The following GTF2A1 variants were observed in gnomAD, a reference collection of about 807,000 sequenced individuals.
The protein encoded by GTF2A1 is general transcription factor IIA subunit 1.
GTF2A1 carries 12 observed loss-of-function variants against 54.1 expected under a neutral mutation model. The observed-to-expected ratio is 0.22, with a 90% CI of 0.14 to 0.36. GTF2A1 has a LOEUF of 0.36. Ranked by LOEUF, GTF2A1 falls within the 10% of genes least tolerant of loss-of-function variation. The probability of loss-of-function intolerance (pLI) is 1.00; values close to 1 mark genes in which losing one functional copy is unlikely to be tolerated. For missense variants in GTF2A1, 335 were observed against 442.2 expected, an observed-to-expected ratio of 0.76 and a Z score of 2.17; for synonymous variants, 145 against 152.0, an observed-to-expected ratio of 0.95 and a Z score of 0.34.
chr14:81,189,091 A>G (rs775152176), intron 7 of GTF2A1, among the ~76,000 whole-genome samples: 9 of 152,222 alleles, frequency 5.9e-5, no homozygotes, highest in Non-Finnish European at 1.3e-4. Context: ...GAAAAGTGAA[A>G]GAATGAAAAA....
chr14:81,200,948 A>T (rs1225086377), intron 4 of GTF2A1, among the ~76,000 whole-genome samples: 1 of 151,762 alleles, frequency 6.6e-6, no homozygotes, highest in Non-Finnish European at 1.5e-5. Flanking sequence ...TAAGGATCTG[A>T]AGAGGTTCTT....
chr14:81,219,667 A>G (rs1282931489), intron 1 of GTF2A1, among the ~76,000 whole-genome samples: 2 of 152,252 alleles, frequency 1.3e-5, no homozygotes, highest in Non-Finnish European at 2.9e-5. Context: ...TGGGTGGACT[A>G]GTGATCACAC....
intron 2 of GTF2A1, among the ~76,000 whole-genome samples, chr14:81,211,741 A>G (rs1893367779): frequency 6.6e-6 from 1 of 151,892 alleles, no homozygotes; most frequent in Non-Finnish European, 1.5e-5. Context: ...GATAAAATAT[A>G]TTACACTTCT....
intron 8 of GTF2A1, 114 bp downstream of exon 8, chr14:81,185,417 T>C (rs1892722740): frequency 3.3e-6 from 2 of 601,630 alleles, no homozygotes; most frequent in Admixed American, 5.8e-5. Flanking sequence ...CTATTCATAA[T>C]GAATTTAAGA....
At chr14:81,213,695 G>A (rs994908847) in intron 2 of GTF2A1, among the ~76,000 whole-genome samples, 12 of 151,972 alleles carry the variant, frequency 7.9e-5, no homozygotes, top group Admixed American at 1.3e-4. Context: ...CTCATGTCTC[G>A]GAATTAGCAC....
At position 81,180,250 on chromosome 14, in the gene GTF2A1, G is replaced by A; in HGVS notation, c.1104C>T (p.Ser368=). 7.0e-7 allele frequency: 1 copy of A among 1,424,664 alleles called. No homozygotes were observed. The highest frequency in any genetic ancestry group is 9.7e-7 in the Non-Finnish European group (1 of 1,028,430). 88.3% of individuals were successfully genotyped at this position (1,424,664 alleles called of 1,614,324 possible). A position where few individuals can be genotyped will look rare whatever the true frequency, so the allele number is the denominator to read the frequency against. The change falls in exon 9 of 9, where the codon TCC becomes TCT. Residue 368 remains serine (S), a synonymous_variant. Coordinates refer to ENST00000553612, the MANE Select transcript of GTF2A1 (RefSeq NM_015859.4). ...ACCATTCTGCATCTCCAATGGCTTT[G>A]GAAAATATATAATCTCTTCCATTAA... ...MNLNGRDYIF[S]KAIGDAEW
chr14:81,213,846 G>GT (rs767098811), intron 2 of GTF2A1, among the ~76,000 whole-genome samples: 7,655 of 136,298 alleles, frequency 0.056, 602 homozygotes, highest in African/African-American at 0.18. Flanking sequence ...GGGTTTTTCT[G>GT]TTTTTTTTTT....
chr14:81,211,875 T>A (rs12886988), intron 2 of GTF2A1, among the ~76,000 whole-genome samples: 1,352 of 68,186 alleles, frequency 0.02, 75 homozygotes, highest in African/African-American at 0.034. Context: ...ATCAAGTACT[T>A]TATATATATA....
chr14:81,211,864 T>C (rs1893370443), intron 2 of GTF2A1, among the ~76,000 whole-genome samples: 1 of 121,302 alleles, frequency 8.2e-6, no homozygotes, highest in Non-Finnish European at 1.7e-5. Flanking sequence ...AATTAGAGTG[T>C]ATCAAGTACT....
rs1014816395 is a variant in GTF2A1 at position 81,201,215 on chromosome 14, A to T, written c.402+379T>A. Among the ~76,000 whole-genome samples the T allele has an allele frequency of 3.3e-5, 5 of 152,150 alleles. No individual in the cohort carries two copies. In the East Asian group the frequency reaches 9.6e-4, roughly 29 times the overall value. On this transcript the variant is annotated intron_variant, in intron 4 of 8. Transcript: ENST00000553612. ...TAAAAATAGTTATACTGAACTATCCAGTCTATCTTCATTTTTTAAAAGTTC... is the reference window on the plus strand; with the variant it reads ...TAAAAATAGTTATACTGAACTATCCTGTCTATCTTCATTTTTTAAAAGTTC...
At chr14:81,220,336 C>T (rs1460876466) in intron 1 of GTF2A1, among the ~76,000 whole-genome samples, 153 bp downstream of exon 1, 2 of 145,452 alleles carry the variant, frequency 1.4e-5, no homozygotes, top group South Asian at 2.1e-4. Flanking sequence ...CGCTCCGGCC[C>T]GATCCGCCCG....
chr14:81,210,510 A>C (rs1893340088), intron 2 of GTF2A1, among the ~76,000 whole-genome samples: 1 of 152,282 alleles, frequency 6.6e-6, no homozygotes, highest in Non-Finnish European at 1.5e-5. Flanking sequence ...TAAAATAAAC[A>C]ATGAAACACT....
rs1893169667 is a variant in GTF2A1 at position 81,203,895 on chromosome 14, C to T, written c.337+5G>A. ...TCATAAGTAGGAAAACAAGTCCAGT[C>T]TCACCTTGCTGTGATGCAGGAATAA... is the stretch of plus-strand genomic sequence containing the variant. On this transcript the variant is annotated splice_donor_5th_base_variant and intron_variant, in intron 3 of 8. Coordinates refer to ENST00000553612, the MANE Select transcript of GTF2A1 (RefSeq NM_015859.4). 6.2e-7 allele frequency: 1 copy of T among 1,606,834 alleles called. No individual in the cohort carries two copies. Among genetic ancestry groups the T allele is most frequent in the African/African-American group, 1.3e-5 (1 of 74,754 alleles).
chr14:81,220,771 T>C lies in GTF2A1; in HGVS notation c.-253A>G, dbSNP rs1312889460. 9.3e-5 allele frequency: 33 copies of C among 354,232 alleles called. No individual in the cohort carries two copies. Among genetic ancestry groups the C allele is most frequent in the Non-Finnish European group, 1.4e-4 (29 of 202,264 alleles). 21.9% of individuals were successfully genotyped at this position (354,232 alleles called of 1,614,324 possible). A position where few individuals can be genotyped will look rare whatever the true frequency, so the allele number is the denominator to read the frequency against. ...AAAAAAAGCCACGACCCTTCAGGGG[T>C]CCGGGGGGCGTTGCCCGCTCCCCAC... On this transcript the variant is annotated 5_prime_UTR_variant, in exon 1 of 9. Transcript: ENST00000553612.
In GTF2A1 at chr14:81,216,444, A is replaced by T; in HGVS notation, c.101T>A (p.Val34Glu). ...TAGTTCCATCAGTACTTGTTCATCC[A>T]CTCCATCATCCAGAAAGATGTCTCT... ...DVRDIFLDDG[V>E]DEQVLMELKT... Residue 34 changes from valine (V) to glutamate (E), a missense_variant, in exon 2 of 9, where the codon GTG (valine) becomes GAG (glutamate). Around this residue, in one of 2 missense-constraint regions of GTF2A1, gnomAD observed 306 missense variants for 360.4 expected, o/e 0.85. Transcript: ENST00000553612. 6.6e-7 allele frequency: 1 copy of T among 1,507,916 alleles called. No homozygotes were observed. Among genetic ancestry groups the T allele is most frequent in the Non-Finnish European group, 9.2e-7 (1 of 1,083,590 alleles). The allele number at this position is 1,507,916 out of a possible 1,614,324, so 93.4% of individuals were successfully genotyped here.
chr14:81,187,691 C>G (rs1409156936), intron 7 of GTF2A1, among the ~76,000 whole-genome samples: 2 of 152,220 alleles, frequency 1.3e-5, no homozygotes, highest in African/African-American at 4.8e-5. Flanking sequence ...ACGAATACTT[C>G]ATTCTTCTTA....
chr14:81,195,869 G>A (rs1314408599), intron 6 of GTF2A1, among the ~76,000 whole-genome samples: 1 of 152,076 alleles, frequency 6.6e-6, no homozygotes, highest in Non-Finnish European at 1.5e-5. Flanking sequence ...AAGCTGGAAG[G>A]AGAGTGCTGC....
At chr14:81,215,005 A>T (rs1893456559) in intron 2 of GTF2A1, among the ~76,000 whole-genome samples, 1 of 152,244 alleles carries the variant, frequency 6.6e-6, no homozygotes, top group Non-Finnish European at 1.5e-5. Flanking sequence ...GTTAGTTACA[A>T]TGCAGAATAT....
At chr14:81,186,079 T>C (rs1892738308) in intron 7 of GTF2A1, among the ~76,000 whole-genome samples, 1 of 90,028 alleles carries the variant, frequency 1.1e-5, no homozygotes, top group East Asian at 2.3e-4. Context: ...TCTTGATCTC[T>C]TGACCTCGTG....
Sources: gnomAD v4.1 joint callset for allele counts (sites outside exome capture counted in the v4.1 genomes callset) on GRCh38, gnomAD v4.1.1 for gene constraint, gnomAD v4.1.1 regional missense constraint, MANE v1.5 for transcripts, NCBI Gene and HGNC (gene_info 2026-07-23, HGNC 2026-07-21) for gene names.